TASP1: variants seen among roughly 807,000 people sequenced by gnomAD.
The protein encoded by TASP1 is threonine aspartase 1.
Under a neutral mutation model 56.6 loss-of-function variants are expected in TASP1, and 16 were observed. The ratio of observed to expected loss-of-function variants is 0.28; its 90% CI spans 0.19 to 0.43. The LOEUF is 0.43. Ranked by LOEUF, TASP1 falls within the 20% of genes least tolerant of loss-of-function variation. The pLI is 1.00. For missense variants in TASP1, 393 were observed against 511.6 expected (o/e 0.77, Z 2.24); for synonymous variants, 179 against 184.2 (o/e 0.97, Z 0.23).
chr20:13,351,170 A>G, the TASP1 span, among the ~76,000 whole-genome samples: 1 of 152,358 alleles, frequency 6.6e-6, no homozygotes, highest in Middle Eastern at 3.4e-3. Context: ...AAAAAAATTG[A>G]CAACACCAAG....
intron 10 of TASP1, among the ~76,000 whole-genome samples, chr20:13,521,039 G>A (rs753599644): frequency 3.3e-5 from 5 of 152,134 alleles, no homozygotes; most frequent in Non-Finnish European, 5.9e-5. Flanking sequence ...ATCATCACTG[G>A]CCATCAGAGA....
At chr20:13,207,496 T>C in the TASP1 span, among the ~76,000 whole-genome samples, 2 of 152,100 alleles carry the variant, frequency 1.3e-5, no homozygotes, top group African/African-American at 2.4e-5. Flanking sequence ...CTTATGCAAT[T>C]ATGCAGGCTG....
At chr20:13,392,997 T>C in intron 13 of TASP1, 1 of 581,824 alleles carries the variant, frequency 1.7e-6, no homozygotes, top group Non-Finnish European at 3.2e-6. Flanking sequence ...TGGAGAAGGC[T>C]GGAGCTCACT....
chr20:13,309,010 A>G, the TASP1 span, among the ~76,000 whole-genome samples: 61,748 of 152,020 alleles, frequency 0.41, 12,932 homozygotes, highest in East Asian at 0.49. Context: ...AAATGTGAGA[A>G]ATACATTTCT....
intron 13 of TASP1, chr20:13,393,713 AAGAG>A (rs1009726133): frequency 1.0e-6 from 1 of 976,732 alleles, no homozygotes; most frequent in Admixed American, 1.9e-5. Flanking sequence ...GCATGAAAGG[AAGAG>A]AGAGGCCCTC....
chr20:13,597,708 AG>A (rs1478740855), intron 4 of TASP1, among the ~76,000 whole-genome samples: 1 of 152,198 alleles, frequency 6.6e-6, no homozygotes, highest in East Asian at 1.9e-4. Context: ...AAAGAAATAA[AG>A]GGTATTCAAT....
At chr20:13,573,962 T>C (rs560311710) in intron 6 of TASP1, among the ~76,000 whole-genome samples, 5 of 152,242 alleles carry the variant, frequency 3.3e-5, no homozygotes, top group Admixed American at 1.3e-4. Flanking sequence ...AGAGAGGCCA[T>C]GTAGCCAGAG....
the TASP1 span, chr20:13,117,534 C>G: frequency 9.3e-6 from 15 of 1,605,830 alleles, no homozygotes; most frequent in Non-Finnish European, 1.3e-5. Context: ...GCATCTGCCC[C>G]AGATCATAGC....
At chr20:13,304,381 C>T in the TASP1 span, among the ~76,000 whole-genome samples, 49 of 152,254 alleles carry the variant, frequency 3.2e-4, no homozygotes, top group African/African-American at 1.1e-3. Flanking sequence ...TTCTCACTCC[C>T]CCACTGTCTT....
chr20:13,381,029 T>G, the TASP1 span, among the ~76,000 whole-genome samples: 1 of 152,160 alleles, frequency 6.6e-6, no homozygotes, highest in Non-Finnish European at 1.5e-5. Context: ...GGGTGGGATC[T>G]GCCGAGCTAG....
chr20:13,412,914 TTATCA>T (rs200331396), intron 13 of TASP1, among the ~76,000 whole-genome samples: 1 of 152,176 alleles, frequency 6.6e-6, no homozygotes. Context: ...TTCCTCGTTC[TTATCA>T]TATCATATCA....
chr20:13,305,199 TAAA>T, the TASP1 span, among the ~76,000 whole-genome samples: 30,817 of 137,384 alleles, frequency 0.22, 3,890 homozygotes, highest in Non-Finnish European at 0.29. Context: ...GTTGAGTTGT[TAAA>T]AAAAAAAAAA....
chr20:13,258,491 G>A, the TASP1 span, among the ~76,000 whole-genome samples: 2 of 152,090 alleles, frequency 1.3e-5, no homozygotes, highest in African/African-American at 4.8e-5. Context: ...CTTGGAGGGT[G>A]CCATTCATTC....
the TASP1 span, among the ~76,000 whole-genome samples, chr20:13,346,980 T>C: frequency 6.6e-6 from 1 of 152,232 alleles, no homozygotes; most frequent in Non-Finnish European, 1.5e-5. Context: ...ATACATTATG[T>C]ACCGACAAGC....
chr20:13,191,793 G>C, the TASP1 span, among the ~76,000 whole-genome samples: 1 of 152,178 alleles, frequency 6.6e-6, no homozygotes, highest in Non-Finnish European at 1.5e-5. Flanking sequence ...ATGGATATTT[G>C]AATTGCCTTG....
chr20:13,124,445 G>C, the TASP1 span, among the ~76,000 whole-genome samples: 1 of 151,566 alleles, frequency 6.6e-6, no homozygotes, highest in African/African-American at 2.4e-5. Flanking sequence ...AATGAAAAGA[G>C]AGAGAACTAG....
At chr20:13,578,055 T>G (rs970695856) in intron 6 of TASP1, among the ~76,000 whole-genome samples, 7 of 152,188 alleles carry the variant, frequency 4.6e-5, no homozygotes, top group Non-Finnish European at 7.3e-5. Context: ...CCTTTTCAAT[T>G]TGTACTTAAT....
the TASP1 span, among the ~76,000 whole-genome samples, chr20:13,293,760 G>A: frequency 0.091 from 13,776 of 152,052 alleles, 1,036 homozygotes; most frequent in African/African-American, 0.2. Flanking sequence ...GATCACCTGA[G>A]GCCAGGAGTT....
intron 13 of TASP1, among the ~76,000 whole-genome samples, chr20:13,399,477 A>C (rs919203869): frequency 6.6e-6 from 1 of 151,940 alleles, no homozygotes; most frequent in Non-Finnish European, 1.5e-5. Flanking sequence ...CTTCTTCCTC[A>C]CCCTAGTAAA....
Sources: gnomAD v4.1 joint callset for allele counts (sites outside exome capture counted in the v4.1 genomes callset) on GRCh38, gnomAD v4.1.1 for gene constraint, MANE v1.5 for transcripts, NCBI Gene and HGNC (gene_info 2026-07-23, HGNC 2026-07-21) for gene names.